CNTN3: variants seen among roughly 807,000 people sequenced by gnomAD.
CNTN3 encodes the protein contactin 3, also known as contactin-3.
A neutral mutation model predicts 119.1 loss-of-function variants in CNTN3; 60 were observed. That is an observed-to-expected ratio of 0.50 (90% CI 0.41 to 0.62). The LOEUF is 0.62. CNTN3 is among the 20% of genes least tolerant of loss of function. The pLI is 0.00. For synonymous variants in CNTN3, 450 were observed against 438.7 expected (o/e 1.03, Z -0.32); for missense variants, 1,101 against 1,242.4 (o/e 0.89, Z 1.71).
intron 11 of CNTN3, among the ~76,000 whole-genome samples, chr3:74,342,013 A>ATGGT (rs1258774523): frequency 1.6e-4 from 25 of 152,298 alleles, no homozygotes; most frequent in African/African-American, 5.3e-4. Context: ...CTGTGTAGAA[A>ATGGT]ATAACAAGGC....
At chr3:74,530,477 T>C (rs534066244) in intron 1 of CNTN3, among the ~76,000 whole-genome samples, 2 of 151,894 alleles carry the variant, frequency 1.3e-5, no homozygotes, top group East Asian at 3.9e-4. Context: ...AGTTGCACTT[T>C]AAGGTTACAC....
chr3:74,573,674 C>A (rs1245714095), intron 1 of CNTN3, among the ~76,000 whole-genome samples: 3 of 151,362 alleles, frequency 2.0e-5, no homozygotes, highest in African/African-American at 7.3e-5. Flanking sequence ...ACACAAATGG[C>A]CATGAAAAGA....
intron 20 of CNTN3, among the ~76,000 whole-genome samples, chr3:74,268,042 C>T (rs1457318315): frequency 6.6e-6 from 1 of 152,066 alleles, no homozygotes; most frequent in East Asian, 1.9e-4. Context: ...TTTTAAAAGT[C>T]TTCGTTTTCC....
rs74582286 is a variant in CNTN3, at chr3:74,306,680, T to C, written c.1669-3873A>G. Among the ~76,000 whole-genome samples, 1,267 of 152,288 alleles carry C rather than the reference T, an allele frequency of 8.3e-3. 15 individuals are homozygous for C. Among genetic ancestry groups the C allele is most frequent in the African/African-American group, 0.027 (1,137 of 41,560 alleles). ...CACAATTTACTCAGGAAAGGAGTTTTTGGAAGTGAGAGAAGTCTATTCCAG... is the reference window on the plus strand; with the variant it reads ...CACAATTTACTCAGGAAAGGAGTTTCTGGAAGTGAGAGAAGTCTATTCCAG... On this transcript the variant is annotated intron_variant, in intron 13 of 22. Transcript: ENST00000263665.
intron 5 of CNTN3, among the ~76,000 whole-genome samples, chr3:74,393,384 T>C (rs1367356063): frequency 6.6e-6 from 1 of 152,236 alleles, no homozygotes; most frequent in Non-Finnish European, 1.5e-5. Context: ...TGCTGCTATC[T>C]CATAATTTTG....
intron 1 of CNTN3, among the ~76,000 whole-genome samples, chr3:74,601,551 T>C (rs1351494298): frequency 6.6e-6 from 1 of 152,170 alleles, no homozygotes; most frequent in Non-Finnish European, 1.5e-5. Context: ...CATTTCCTGT[T>C]TCTAATTTGA....
intron 5 of CNTN3, among the ~76,000 whole-genome samples, chr3:74,400,100 G>A (rs944824677): frequency 1.3e-5 from 2 of 152,074 alleles, no homozygotes; most frequent in Non-Finnish European, 2.9e-5. Context: ...TTTGGATAGA[G>A]TTTTATAACT....
chr3:74,571,708 G>A (rs981301178), intron 1 of CNTN3, among the ~76,000 whole-genome samples: 2 of 152,108 alleles, frequency 1.3e-5, no homozygotes, highest in African/African-American at 4.8e-5. Context: ...AAAGAATCCT[G>A]CCATTTATTT....
chr3:74,546,121 G>C (rs1411431301), intron 1 of CNTN3, among the ~76,000 whole-genome samples: 1 of 151,928 alleles, frequency 6.6e-6, no homozygotes, highest in East Asian at 1.9e-4. Context: ...TCAGCCTTCC[G>C]AGTAGCTGGG....
rs1204793839 is a variant in CNTN3 at position 74,336,614 on chromosome 3, G to C, written c.1409C>G (p.Thr470Ser). ...NDGGLKIANV[T>S]KADAGTYTCM... ...GGTGTAAGTTCCAGCATCAGCTTTA[G>C]TCACATTGGCTATTTTGAGTCCTCC... Residue 470 changes from threonine to serine, a missense_variant, in exon 12 of 23, where the codon ACT becomes AGT. Thr to Ser is a moderately conservative substitution (Grantham distance 58). Coordinates refer to ENST00000263665, the MANE Select transcript of CNTN3 (RefSeq NM_020872.3). 1 of 1,611,950 alleles carries C rather than the reference G, an allele frequency of 6.2e-7. No homozygotes were observed.
At chr3:74,297,403 G>A (rs1001096345) in intron 18 of CNTN3, among the ~76,000 whole-genome samples, 11 of 147,726 alleles carry the variant, frequency 7.4e-5, no homozygotes, top group African/African-American at 2.5e-4. Context: ...AACAAAACAC[G>A]GGTGTACAGA....
chr3:74,499,714 C>G lies in CNTN3; in HGVS notation c.127G>C (p.Asp43His). 1 of 1,611,486 alleles carries G rather than the reference C, an allele frequency of 6.2e-7. No individual in the cohort carries two copies. The highest frequency in any genetic ancestry group is 8.5e-7 in the Non-Finnish European group (1 of 1,178,418). The stretch of plus-strand genomic sequence containing the variant: ...TCACAATGCAAAGTTATTTTTTTAT[C>G]TTCTGAACCAACAGGGAAAATGCTG... ...SNSIFPVGSE[D>H]KKITLHCEAR... The change falls in exon 3 of 23, where the codon GAT becomes CAT. Residue 43 changes from aspartate to histidine, a missense_variant. By Grantham distance (81) the Asp-to-His change is moderately conservative. Transcript: ENST00000263665.
intron 20 of CNTN3, among the ~76,000 whole-genome samples, chr3:74,277,894 G>C (rs916331923): frequency 3.3e-5 from 5 of 151,950 alleles, no homozygotes; most frequent in African/African-American, 1.2e-4. Flanking sequence ...AAAACTCCTA[G>C]AACTGATAAA....
chr3:74,414,262 G>A (rs768259410), intron 5 of CNTN3, among the ~76,000 whole-genome samples: 8 of 152,146 alleles, frequency 5.3e-5, no homozygotes, highest in Non-Finnish European at 1.0e-4. Flanking sequence ...AAAAAAATCT[G>A]CTGAGATGGA....
At chr3:74,421,297 T>C (rs1390279880) in intron 5 of CNTN3, among the ~76,000 whole-genome samples, 3 of 151,968 alleles carry the variant, frequency 2.0e-5, no homozygotes, top group Non-Finnish European at 4.4e-5. Flanking sequence ...GCCTCCCGAG[T>C]AGCTGGGACT....
chr3:74,512,612 T>C lies in CNTN3; in HGVS notation c.55+8446A>G, dbSNP rs78657857. Among the ~76,000 whole-genome samples, 547 of 149,220 alleles carry C rather than the reference T, an allele frequency of 3.7e-3. 8 individuals carry two copies. The highest frequency in any genetic ancestry group is 0.013 in the African/African-American group (519 of 40,454). Reference sequence around the variant, plus strand: ...AGAAAAAAAACATTAGATTCTTTTATACTGTTATTTATTTTCTCCTATAAT... The same window carrying C: ...AGAAAAAAAACATTAGATTCTTTTACACTGTTATTTATTTTCTCCTATAAT... On this transcript the variant is annotated intron_variant, in intron 2 of 22. Coordinates refer to ENST00000263665, the MANE Select transcript of CNTN3 (RefSeq NM_020872.3).
intron 5 of CNTN3, among the ~76,000 whole-genome samples, chr3:74,385,178 G>A (rs968076984): frequency 2.6e-5 from 4 of 152,080 alleles, no homozygotes; most frequent in African/African-American, 9.7e-5. Context: ...ATTTTCTTTT[G>A]CACCATTTGG....
intron 2 of CNTN3, among the ~76,000 whole-genome samples, chr3:74,502,346 C>T (rs1024783963): frequency 2.0e-5 from 3 of 151,994 alleles, no homozygotes; most frequent in African/African-American, 7.2e-5. Flanking sequence ...ACTCAAATGC[C>T]CATCCTATCA....
chr3:74,336,776 C>A (rs1703405366), intron 11 of CNTN3, 118 bp from the exon 12 acceptor site: 1 of 709,600 alleles, frequency 1.4e-6, no homozygotes, highest in Non-Finnish European at 2.2e-6. Flanking sequence ...CATGATCAAC[C>A]AGTCCTTAGC....
Sources: gnomAD v4.1 joint callset for allele counts (sites outside exome capture counted in the v4.1 genomes callset) on GRCh38, gnomAD v4.1.1 for gene constraint, MANE v1.5 for transcripts, NCBI Gene and HGNC (gene_info 2026-07-23, HGNC 2026-07-21) for gene names.